Variants in ESR1 observed in about 807,000 individuals in gnomAD.
ESR1 encodes estrogen receptor.
In ESR1, 12 loss-of-function variants were observed where a neutral mutation model predicts 52.7. The ratio of observed to expected loss-of-function variants is 0.23; its 90% confidence interval spans 0.15 to 0.37. The LOEUF is 0.37. ESR1 is among the 10% of genes least tolerant of loss of function. The pLI is 1.00. For synonymous variants in ESR1, 305 were observed against 316.8 expected, an observed-to-expected ratio of 0.96 and a Z score of 0.39; for missense variants, 584 against 779.7, an observed-to-expected ratio of 0.75 and a Z score of 2.99.
intron 2 of ESR1, among the ~76,000 whole-genome samples, chr6:151,735,524 G>T (rs1348936051): frequency 6.6e-6 from 1 of 152,124 alleles, no homozygotes; most frequent in Non-Finnish European, 1.5e-5. Flanking sequence ...TAATATTTCG[G>T]AAGTCTTGCC....
chr6:151,747,816 C>G (rs973677383), intron 2 of ESR1, among the ~76,000 whole-genome samples: 1 of 152,166 alleles, frequency 6.6e-6, no homozygotes, highest in South Asian at 2.1e-4. Flanking sequence ...ATCAGTACTT[C>G]ATTCTTTTTA....
chr6:151,989,334 T>C (rs1584681330), intron 4 of ESR1, among the ~76,000 whole-genome samples: 2 of 152,244 alleles, frequency 1.3e-5, no homozygotes, highest in Non-Finnish European at 2.9e-5. Flanking sequence ...GTTTAATAAA[T>C]GTTTTGTGAA....
At chr6:151,906,406 A>G (rs1389389509) in intron 3 of ESR1, among the ~76,000 whole-genome samples, 2 of 151,970 alleles carry the variant, frequency 1.3e-5, no homozygotes, top group Non-Finnish European at 2.9e-5. Flanking sequence ...GAAATACATA[A>G]TTACCCTTAA....
intron 2 of ESR1, among the ~76,000 whole-genome samples, chr6:151,785,572 G>T (rs1285966705): frequency 6.6e-6 from 1 of 152,138 alleles, no homozygotes; most frequent in Non-Finnish European, 1.5e-5. Context: ...CAAGAGGGAG[G>T]CTTTGAATGA....
chr6:151,861,781 C>G (rs188098027), intron 2 of ESR1, among the ~76,000 whole-genome samples: 1 of 151,242 alleles, frequency 6.6e-6, no homozygotes, highest in Non-Finnish European at 1.5e-5. Context: ...TTTTTTTTGC[C>G]TGCTTTTTCC....
In ESR1 at chr6:151,880,713, G is replaced by A. The variant is rs2128333849; in HGVS notation, c.702G>A (p.Arg234=). ...TNQCTIDKNR[R]KSCQACRLRK... Reference sequence around the variant, plus strand: ...AGTGCACCATTGATAAAAACAGGAGGAAGAGCTGCCAGGCCTGCCGGCTCC... The same window carrying A: ...AGTGCACCATTGATAAAAACAGGAGAAAGAGCTGCCAGGCCTGCCGGCTCC... Residue 234 remains arginine (R), a synonymous_variant, in exon 3 of 8, where the codon AGG becomes AGA. Transcript: ENST00000206249. 1 of 1,613,508 alleles carries A rather than the reference G, an allele frequency of 6.2e-7. No individual in the cohort carries two copies. The highest frequency in any genetic ancestry group is 8.5e-7 in the Non-Finnish European group (1 of 1,179,432).
At chr6:152,001,354 A>G (rs1390105098) in intron 4 of ESR1, among the ~76,000 whole-genome samples, 1 of 152,060 alleles carries the variant, frequency 6.6e-6, no homozygotes, top group African/African-American at 2.4e-5. Flanking sequence ...GCAAAGAGAA[A>G]GAAAGGGGAC....
intron 1 of ESR1, among the ~76,000 whole-genome samples, chr6:151,676,478 G>A (rs1452074507): frequency 1.3e-5 from 2 of 152,194 alleles, no homozygotes; most frequent in Non-Finnish European, 2.9e-5. Flanking sequence ...GTCCTCAGCA[G>A]CCTCTGTCCA....
intron 1 of ESR1, among the ~76,000 whole-genome samples, chr6:151,666,313 C>T (rs372885171): frequency 2.8e-4 from 43 of 152,284 alleles, no homozygotes; most frequent in African/African-American, 9.4e-4. Context: ...GAGAGACACA[C>T]GCACTTCCTT....
intron 5 of ESR1, among the ~76,000 whole-genome samples, chr6:152,043,382 A>G (rs899457056): frequency 6.6e-6 from 1 of 152,306 alleles, no homozygotes; most frequent in Admixed American, 6.5e-5. Flanking sequence ...CACACCCTTA[A>G]TATCCATTCC....
chr6:151,755,456 T>C (rs1463074644), intron 2 of ESR1, among the ~76,000 whole-genome samples: 1 of 152,074 alleles, frequency 6.6e-6, no homozygotes, highest in Non-Finnish European at 1.5e-5. Context: ...AACCACTTCC[T>C]ATCACTGCCA....
At chr6:152,108,450 T>C (rs2051093643) in intron 6 of ESR1, among the ~76,000 whole-genome samples, 2 of 152,236 alleles carry the variant, frequency 1.3e-5, no homozygotes, top group South Asian at 4.1e-4. Context: ...TTGCAGAGTG[T>C]TGAAATAGTT....
At chr6:151,730,914 G>C (rs1302314461) in intron 2 of ESR1, among the ~76,000 whole-genome samples, 1 of 152,164 alleles carries the variant, frequency 6.6e-6, no homozygotes, top group Non-Finnish European at 1.5e-5. Flanking sequence ...CCAAGCTGCT[G>C]TTAGAAGAAT....
At chr6:151,751,587 G>GA (rs559552982) in intron 2 of ESR1, among the ~76,000 whole-genome samples, 1 of 152,176 alleles carries the variant, frequency 6.6e-6, no homozygotes, top group Non-Finnish European at 1.5e-5. Flanking sequence ...ATTTAGGGGG[G>GA]AAAAATCCCA....
At chr6:151,701,912 C>G (rs1779824138) in exon 2 of ESR1, 1 of 152,186 alleles carries the variant, frequency 6.6e-6, no homozygotes, top group South Asian at 2.1e-4. Context: ...ACAAAGATCT[C>G]TTCACATTCT....
At chr6:151,974,404 G>T (rs958258736) in intron 4 of ESR1, among the ~76,000 whole-genome samples, 1 of 152,156 alleles carries the variant, frequency 6.6e-6, no homozygotes, top group African/African-American at 2.4e-5. Context: ...AGAGGCTGCC[G>T]GAGGTCACAC....
intron 1 of ESR1, among the ~76,000 whole-genome samples, chr6:151,826,072 C>T (rs11757540): frequency 0.17 from 25,342 of 151,072 alleles, 2,416 homozygotes; most frequent in East Asian, 0.28. Flanking sequence ...CCCTGGGATG[C>T]GGGGAGGGGG....
intron 5 of ESR1, among the ~76,000 whole-genome samples, chr6:152,018,164 A>G (rs1038867585): frequency 1.2e-4 from 19 of 152,150 alleles, no homozygotes; most frequent in African/African-American, 4.3e-4. Context: ...TTGCTGCACC[A>G]GAAAGAACAT....
intron 1 of ESR1, among the ~76,000 whole-genome samples, chr6:151,825,083 G>C (rs924212924): frequency 6.6e-6 from 1 of 152,068 alleles, no homozygotes; most frequent in African/African-American, 2.4e-5. Context: ...GTATTTCAGA[G>C]AAATAAATCT....
Sources: gnomAD v4.1 joint callset for allele counts (sites outside exome capture counted in the v4.1 genomes callset) on GRCh38, gnomAD v4.1.1 for gene constraint, MANE v1.5 for transcripts, NCBI Gene and HGNC (gene_info 2026-07-23, HGNC 2026-07-21) for gene names.